FAM149A: variants seen among roughly 807,000 people sequenced by gnomAD.
FAM149A encodes the protein protein FAM149A.
A neutral mutation model predicts 78.2 loss-of-function variants in FAM149A; 71 were observed. The observed-to-expected ratio is 0.91, with a 90% CI of 0.75 to 1.11. FAM149A has a LOEUF of 1.11. Among genes scored for constraint, FAM149A ranks in the 50% least tolerant of loss-of-function variants. FAM149A has a pLI of 0.00. For missense variants in FAM149A, 1,036 were observed against 971.0 expected (o/e 1.07, Z -0.89); for synonymous variants, 446 against 410.5 (o/e 1.09, Z -1.04).
rs1158337719 is a variant in FAM149A, at chr4:186,173,257, C to T, written c.*1270C>T. Reference sequence around the variant, plus strand: ...ATTTTAAAAGATGTGTTGAGACTAACATTAATGTTGTCCTTTATCACAGGG... The same window carrying T: ...ATTTTAAAAGATGTGTTGAGACTAATATTAATGTTGTCCTTTATCACAGGG... On this transcript the variant is annotated 3_prime_UTR_variant, in exon 14 of 14. Coordinates refer to ENST00000389354, the MANE Select transcript of FAM149A (RefSeq NM_001367768.3). Among the ~76,000 whole-genome samples, 10 of 112,960 alleles carry T rather than the reference C, an allele frequency of 8.9e-5. 2 individuals carry two copies. Among genetic ancestry groups the T allele is most frequent in the African/African-American group, 2.8e-4 (10 of 35,996 alleles). 74.1% of individuals were successfully genotyped at this position (112,960 alleles called of 152,430 possible). A position where few individuals can be genotyped will look rare whatever the true frequency, so the allele number is the denominator to read the frequency against.
intron 1 of FAM149A, among the ~76,000 whole-genome samples, chr4:186,136,610 T>C (rs1164304827): frequency 6.6e-6 from 1 of 152,244 alleles, no homozygotes; most frequent in African/African-American, 2.4e-5. Context: ...CCTAGGACTT[T>C]CTATGCTTTT....
chr4:186,136,994 C>CTCTT (rs1561396518), intron 1 of FAM149A, among the ~76,000 whole-genome samples: 4 of 136,456 alleles, frequency 2.9e-5, no homozygotes, highest in African/African-American at 8.0e-5. Context: ...CTCTCTCTCT[C>CTCTT]TCTCTCTCTC....
At chr4:186,139,041 G>A (rs1015880671) in intron 1 of FAM149A, among the ~76,000 whole-genome samples, 9 of 152,252 alleles carry the variant, frequency 5.9e-5, no homozygotes, top group African/African-American at 2.2e-4. Context: ...CTATCAATAT[G>A]GGCTCATAGA....
At chr4:186,147,430 A>C (rs2126445171) in intron 1 of FAM149A, among the ~76,000 whole-genome samples, 1 of 152,288 alleles carries the variant, frequency 6.6e-6, no homozygotes, top group East Asian at 1.9e-4. Context: ...GAGCAGGTAA[A>C]CCCGATTTAT....
At chr4:186,133,722 C>T (rs898197302) in intron 1 of FAM149A, among the ~76,000 whole-genome samples, 4 of 152,174 alleles carry the variant, frequency 2.6e-5, no homozygotes, top group Admixed American at 2.6e-4. Flanking sequence ...GTGGCGTGAT[C>T]ATAGCTCACT....
intron 1 of FAM149A, chr4:186,109,519 T>C: frequency 2.0e-6 from 2 of 985,394 alleles, no homozygotes; most frequent in Non-Finnish European, 2.4e-6. Context: ...TCAAACCGAT[T>C]GCTAGCTGAG....
chr4:186,143,198 C>T (rs1732667935), intron 1 of FAM149A, among the ~76,000 whole-genome samples: 3 of 136,620 alleles, frequency 2.2e-5, no homozygotes, highest in African/African-American at 5.4e-5. Flanking sequence ...TGCTGTCTTG[C>T]CCAGGCTGGT....
In FAM149A at chr4:186,163,559, T is replaced by A; in HGVS notation, c.1815T>A (p.Pro605=). ...AAACACCAGTGCCCTGGAGGCTGCC[T>A]TCTCTTGCTTCAGATTCACAGAGAC... Residue 605 remains proline (P), a synonymous_variant, in exon 10 of 14, where the codon CCT becomes CCA. Transcript: ENST00000389354. The A allele has an allele frequency of 6.2e-7, 1 of 1,614,170 alleles. No homozygotes were observed. Among genetic ancestry groups the A allele is most frequent in the South Asian group, 1.1e-5 (1 of 91,066 alleles).
At chr4:186,110,495 T>C (rs2099310772) in intron 1 of FAM149A, among the ~76,000 whole-genome samples, 1 of 145,716 alleles carries the variant, frequency 6.9e-6, no homozygotes, top group Non-Finnish European at 1.5e-5. Context: ...CTGCACCCAC[T>C]AACTCGTCAT....
chr4:186,128,374 G>A (rs2099319281), intron 1 of FAM149A, among the ~76,000 whole-genome samples: 1 of 151,792 alleles, frequency 6.6e-6, no homozygotes, highest in South Asian at 2.1e-4. Context: ...TGAGGTTAAG[G>A]ACCATGAGTT....
intron 1 of FAM149A, among the ~76,000 whole-genome samples, chr4:186,111,595 C>T (rs368108148): frequency 8.7e-5 from 13 of 149,664 alleles, no homozygotes; most frequent in Admixed American, 7.3e-4. Context: ...AAGGGATCCA[C>T]TTTCAGCTTT....
At chr4:186,139,001 C>T (rs1015513499) in intron 1 of FAM149A, among the ~76,000 whole-genome samples, 11 of 152,196 alleles carry the variant, frequency 7.2e-5, no homozygotes, top group African/African-American at 2.4e-4. Context: ...TGTGCCTCTT[C>T]TCCCCATTTA....
intron 1 of FAM149A, among the ~76,000 whole-genome samples, chr4:186,123,618 G>A (rs1037182947): frequency 6.6e-6 from 1 of 152,200 alleles, no homozygotes; most frequent in Non-Finnish European, 1.5e-5. Flanking sequence ...GCAGGATCAA[G>A]GACCAAACAC....
chr4:186,141,368 TTTATA>T (rs1477265173), intron 1 of FAM149A, among the ~76,000 whole-genome samples: 2 of 152,286 alleles, frequency 1.3e-5, no homozygotes, highest in East Asian at 3.9e-4. Flanking sequence ...AAAATGATAA[TTTATA>T]TTAGATTAAA....
intron 8 of FAM149A, among the ~76,000 whole-genome samples, chr4:186,161,628 A>G (rs1734616431): frequency 1.3e-5 from 2 of 152,240 alleles, no homozygotes; most frequent in Admixed American, 1.3e-4. Flanking sequence ...CCAGAAAAAT[A>G]TGGACATTCT....
At chr4:186,152,070 T>C (rs2126471176) in intron 4 of FAM149A, 25 bp downstream of exon 4, 1 of 1,612,204 alleles carries the variant, frequency 6.2e-7, no homozygotes, top group East Asian at 2.2e-5. Flanking sequence ...GTGGAAGTTC[T>C]CTGGGGTGGG....
At chr4:186,166,757 T>C (rs988632816) in intron 11 of FAM149A, among the ~76,000 whole-genome samples, 11 of 151,802 alleles carry the variant, frequency 7.2e-5, no homozygotes, top group Non-Finnish European at 2.9e-5. Flanking sequence ...CTTTCCCTAT[T>C]ATGACACTAT....
At chr4:186,142,909 G>T (rs1051805989) in intron 1 of FAM149A, among the ~76,000 whole-genome samples, 1 of 152,020 alleles carries the variant, frequency 6.6e-6, no homozygotes, top group African/African-American at 2.4e-5. Flanking sequence ...CATTTGGGGT[G>T]GTTTGTTATG....
intron 1 of FAM149A, among the ~76,000 whole-genome samples, chr4:186,106,175 T>G (rs2099308688): frequency 6.6e-6 from 1 of 152,148 alleles, no homozygotes. Context: ...CAAATGGAGT[T>G]GTAATGGCCA....
Sources: gnomAD v4.1 joint callset for allele counts (sites outside exome capture counted in the v4.1 genomes callset) on GRCh38, gnomAD v4.1.1 for gene constraint, MANE v1.5 for transcripts, NCBI Gene and HGNC (gene_info 2026-07-23, HGNC 2026-07-21) for gene names.